DENND3: variants seen among roughly 807,000 people sequenced by gnomAD.
DENND3 encodes the protein DENN domain containing 3.
A neutral mutation model predicts 135.1 loss-of-function variants in DENND3; 88 were observed. That is an observed-to-expected ratio of 0.65 (90% CI 0.55 to 0.78). DENND3 has a LOEUF of 0.78. Among genes scored for constraint, DENND3 ranks in the 30% least tolerant of loss-of-function variants. DENND3 has a pLI of 0.00. For synonymous variants in DENND3, 693 were observed against 712.3 expected (o/e 0.97, Z 0.43); for missense variants, 1,392 against 1,688.4 (o/e 0.82, Z 3.08).
In DENND3 at chr8:141,175,611, C is replaced by T. The variant is rs1822227683; in HGVS notation, c.2535+152C>T. On this transcript the variant is annotated intron_variant, in intron 14 of 22. Coordinates refer to ENST00000519811, the MANE Select transcript of DENND3 (RefSeq NM_001352890.3). The surrounding 1 kb of genome is among the most constrained non-coding windows in gnomAD (Gnocchi z 5.4). ...CCTTCCTGTCCCTCAGTTTGCTCAT[C>T]TGTAAAGTAGGAATAAGGCTGATAC... 1.6e-6 allele frequency: 2 copies of T among 1,215,610 alleles called. No homozygotes were observed. The highest frequency in any genetic ancestry group is 2.4e-6 in the Non-Finnish European group (2 of 848,098). The allele number at this position is 1,215,610 out of a possible 1,614,324, so 75.3% of individuals were successfully genotyped here. A position where few individuals can be genotyped will look rare whatever the true frequency, so the allele number is the denominator to read the frequency against.
At position 141,138,004 on chromosome 8, in the gene DENND3, G is replaced by A. The variant is rs778461221; in HGVS notation, c.386-18G>A. 9 of 1,575,810 alleles carry A rather than the reference G, an allele frequency of 5.7e-6. No homozygotes were observed. The highest frequency in any genetic ancestry group is 4.6e-5 in the South Asian group (4 of 86,328). ...CTTGGCAAGAACAGGATTCTTCTCT[G>A]TCTCTTTCTGCCTGCAGGGGGTGTG... On this transcript the variant is annotated intron_variant, in intron 2 of 22. Transcript: ENST00000519811. This position sits in a 1 kb window ranked among gnomAD's most constrained non-coding sequence, Gnocchi z 4.8.
chr8:141,141,353 G>T lies in DENND3; in HGVS notation c.623+29G>T. On this transcript the variant is annotated intron_variant, in intron 4 of 22. Coordinates refer to ENST00000519811, the MANE Select transcript of DENND3 (RefSeq NM_001352890.3). This position sits in a 1 kb window ranked among gnomAD's most constrained non-coding sequence, Gnocchi z 5.3. ...AGCTGGGGCACCGGGGGCCAGGGGT[G>T]GTAGGGGGCAGCTCTTTGTGCCTCT... The T allele has an allele frequency of 6.2e-7, 1 of 1,611,108 alleles. No individual in the cohort carries two copies. The highest frequency in any genetic ancestry group is 8.5e-7 in the Non-Finnish European group (1 of 1,179,480).
chr8:141,187,593 T>C (rs1824064469), intron 18 of DENND3, among the ~76,000 whole-genome samples: 1 of 152,172 alleles, frequency 6.6e-6, no homozygotes, highest in Admixed American at 6.5e-5. Context: ...TGGCACAGTA[T>C]GTGCTTGCAA....
At chr8:141,149,996 G>T (rs566447590) in intron 5 of DENND3, among the ~76,000 whole-genome samples, 4 of 152,300 alleles carry the variant, frequency 2.6e-5, no homozygotes, top group South Asian at 2.1e-4. Context: ...TCCCTGCTTC[G>T]CTTGATTTCT....
At chr8:141,147,610 A>C (rs1480674955) in intron 5 of DENND3, among the ~76,000 whole-genome samples, 1 of 152,174 alleles carries the variant, frequency 6.6e-6, no homozygotes, top group Non-Finnish European at 1.5e-5. Flanking sequence ...GTCTTCTCTG[A>C]GTGACCCCCA....
At chr8:141,189,564 C>T (rs115485732) in intron 19 of DENND3, among the ~76,000 whole-genome samples, 2,001 of 152,308 alleles carry the variant, frequency 0.013, 54 homozygotes, top group African/African-American at 0.046. Flanking sequence ...GCACTGGACA[C>T]GGGGCATCCA....
intron 5 of DENND3, among the ~76,000 whole-genome samples, chr8:141,145,847 A>ATATG (rs1569555492): frequency 3.6e-5 from 2 of 56,182 alleles, no homozygotes; most frequent in Non-Finnish European, 6.3e-5. Flanking sequence ...ATATATATAT[A>ATATG]TATGTATTTT....
intron 1 of DENND3, among the ~76,000 whole-genome samples, chr8:141,134,112 C>G (rs1169645993): frequency 6.6e-6 from 1 of 152,098 alleles, no homozygotes; most frequent in Non-Finnish European, 1.5e-5. Context: ...AGGAGGAGGG[C>G]TGCTCACTCA....
intron 8 of DENND3, among the ~76,000 whole-genome samples, chr8:141,156,722 C>T (rs151297385): frequency 2.0e-5 from 3 of 151,996 alleles, no homozygotes; most frequent in Non-Finnish European, 2.9e-5. Flanking sequence ...GCATTCTGTC[C>T]GAGCTAGAAG....
At position 141,137,133 on chromosome 8, in the gene DENND3, C is replaced by T. The variant is rs1343274884; in HGVS notation, c.385+342C>T. Reference sequence around the variant, plus strand: ...TAGCTGGGATTACAGGTGCCAACCACCACGCCTGGCTAACTTTTGTGTCTT... The same window carrying T: ...TAGCTGGGATTACAGGTGCCAACCATCACGCCTGGCTAACTTTTGTGTCTT... On this transcript the variant is annotated intron_variant, in intron 2 of 22. Transcript: ENST00000519811. This position sits in a 1 kb window ranked among gnomAD's most constrained non-coding sequence, Gnocchi z 4.1. Among the ~76,000 whole-genome samples the T allele has an allele frequency of 6.6e-6, 1 of 152,122 alleles. No individual in the cohort carries two copies. The highest frequency in any genetic ancestry group is 1.5e-5 in the Non-Finnish European group (1 of 68,028).
Position 141,144,044 on chromosome 8 carries a change from T to G in DENND3, c.624-104T>G, listed in dbSNP as rs537718271. 1 of 981,904 alleles carries G rather than the reference T, an allele frequency of 1.0e-6. No homozygotes were observed. The highest frequency in any genetic ancestry group is 1.7e-5 in the South Asian group (1 of 60,374). The allele number at this position is 981,904 out of a possible 1,614,324, so 60.8% of individuals were successfully genotyped here. On this transcript the variant is annotated intron_variant, in intron 4 of 22. Transcript: ENST00000519811. This position sits in a 1 kb window ranked among gnomAD's most constrained non-coding sequence, Gnocchi z 4.4. ...TTTTGGTGAAAGGTCCTGGAGCTGC[T>G]GCTGCAGACGCTGGGGAGATTCCAG...
intron 13 of DENND3, among the ~76,000 whole-genome samples, chr8:141,169,152 C>A (rs1431578744): frequency 6.6e-6 from 1 of 152,262 alleles, no homozygotes; most frequent in Non-Finnish European, 1.5e-5. Flanking sequence ...AGCCACCGCG[C>A]CTGACCCTAT....
Position 141,168,297 on chromosome 8 carries a change from A to T in DENND3, c.2047A>T (p.Met683Leu), listed in dbSNP as rs1050772168. 2 of 1,613,948 alleles carry T rather than the reference A, an allele frequency of 1.2e-6. No individual in the cohort carries two copies. The highest frequency in any genetic ancestry group is 2.7e-5 in the African/African-American group (2 of 74,908). The change falls in exon 13 of 23, where the codon ATG (methionine) becomes TTG (leucine). Residue 683 changes from methionine (M) to leucine (L), a missense_variant. Transcript: ENST00000519811. This position sits in a 1 kb window ranked among gnomAD's most constrained non-coding sequence, Gnocchi z 6.2. ...TTTGGTGAAGAGGACGGTGGAATCC[A>T]TGTCTGCCCCTGAGTGGGAGGGGGC... ...TDLVKRTVESMSAPEWEGAEQ... is the reference protein window; with the variant it reads ...TDLVKRTVESLSAPEWEGAEQ...
rs113548176 is a variant in DENND3 at position 141,166,167 on chromosome 8, C to A, written c.1554-23C>A. On this transcript the variant is annotated intron_variant, in intron 11 of 22. Coordinates refer to ENST00000519811, the MANE Select transcript of DENND3 (RefSeq NM_001352890.3). This position sits in a 1 kb window ranked among gnomAD's most constrained non-coding sequence, Gnocchi z 4.3. ...AATCATTATTGTGTCTATAAACTAACGCGTTGCTTTTTCGTACCCCAGAAT... is the reference window on the plus strand; with the variant it reads ...AATCATTATTGTGTCTATAAACTAAAGCGTTGCTTTTTCGTACCCCAGAAT... 1.3e-4 allele frequency: 203 copies of A among 1,609,050 alleles called. No homozygotes were observed. In the African/African-American group the frequency reaches 2.0e-3, roughly 16 times the overall value.
rs1335834239 is a variant in DENND3, at chr8:141,174,282, C to T, written c.2276-918C>T. 6.6e-6 allele frequency among the ~76,000 whole-genome samples: 1 copy of T among 152,154 alleles called. No homozygotes were observed. The highest frequency in any genetic ancestry group is 2.4e-5 in the African/African-American group (1 of 41,422). ...TCCTCTCTGCATTTGAGAAAAGTGG[C>T]TCTGAGTGCCACGCAAAGCAGGCTG... On this transcript the variant is annotated intron_variant, in intron 13 of 22. Transcript: ENST00000519811. This position sits in a 1 kb window ranked among gnomAD's most constrained non-coding sequence, Gnocchi z 4.6.
chr8:141,151,628 T>A lies in DENND3; in HGVS notation c.865T>A (p.Cys289Ser). The change falls in exon 7 of 23, where the codon TGC becomes AGC. Residue 289 changes from cysteine to serine, a missense_variant. Cys to Ser is a moderately radical substitution (Grantham distance 112). Coordinates refer to ENST00000519811, the MANE Select transcript of DENND3 (RefSeq NM_001352890.3). ...RPEKVLQILT[C>S]ILTEQRIVFF... The stretch of plus-strand genomic sequence containing the variant: ...CGGGTTCTCCCCTCAGATCCTGACA[T>A]GCATCCTGACGGAACAGCGGATCGT... 6.2e-7 allele frequency: 1 copy of A among 1,614,016 alleles called. No individual in the cohort carries two copies. The highest frequency in any genetic ancestry group is 1.1e-5 in the South Asian group (1 of 91,080).
chr8:141,133,355 A>T (rs932341226), intron 1 of DENND3, among the ~76,000 whole-genome samples: 1 of 152,200 alleles, frequency 6.6e-6, no homozygotes, highest in African/African-American at 2.4e-5. Context: ...AAGATACAGT[A>T]TCATGATGTG....
chr8:141,128,668 G>A lies in DENND3; in HGVS notation c.-40G>A. 7.8e-7 allele frequency: 1 copy of A among 1,288,138 alleles called. No homozygotes were observed. Among genetic ancestry groups the A allele is most frequent in the Non-Finnish European group, 9.9e-7 (1 of 1,009,852 alleles). 79.8% of individuals were successfully genotyped at this position (1,288,138 alleles called of 1,614,324 possible). On this transcript the variant is annotated 5_prime_UTR_variant, in exon 1 of 23. Coordinates refer to ENST00000519811, the MANE Select transcript of DENND3 (RefSeq NM_001352890.3). This position sits in a 1 kb window ranked among gnomAD's most constrained non-coding sequence, Gnocchi z 4.5. ...GGTCTGCGGGCGACTGCGCGGCTGA[G>A]GCGCCCGAGTGCGGTACTGGCGGCG...
Position 141,189,092 on chromosome 8 carries a change from C to T in DENND3, c.3191C>T (p.Ala1064Val). 1 of 1,614,216 alleles carries T rather than the reference C, an allele frequency of 6.2e-7. No individual in the cohort carries two copies. Among genetic ancestry groups the T allele is most frequent in the Non-Finnish European group, 8.5e-7 (1 of 1,180,038 alleles). The change falls in exon 19 of 23, where the codon GCC becomes GTC. Residue 1064 changes from alanine (A) to valine (V), a missense_variant. Ala to Val is a moderately conservative substitution (Grantham distance 64). Coordinates refer to ENST00000519811, the MANE Select transcript of DENND3 (RefSeq NM_001352890.3). ...HSMSCNKQLT[A>V]HCSSVTDLIV... is the part of the protein sequence containing the mutation. ...ATGTCCTGCAACAAGCAGCTCACAG[C>T]CCACTGCTCCAGTGTCACGGATTTG... is the stretch of plus-strand genomic sequence containing the variant.
Sources: allele counts gnomAD v4.1 joint callset (sites outside exome capture counted in the v4.1 genomes callset), GRCh38; gene constraint gnomAD v4.1.1; non-coding constraint Gnocchi (gnomAD v3.1); transcripts MANE v1.5; gene names NCBI Gene and HGNC (gene_info 2026-07-23, HGNC 2026-07-21).